The following SYN2 variants were observed in gnomAD, a reference collection of about 807,000 sequenced individuals.
SYN2 encodes synapsin II.
SYN2 carries 19 observed loss-of-function variants against 50.9 expected under a neutral mutation model. The observed-to-expected ratio is 0.37, with a 90% CI of 0.26 to 0.55. The LOEUF is 0.55. Ranked by LOEUF, SYN2 falls within the 20% of genes least tolerant of loss-of-function variation. SYN2 has a pLI of 0.81. For missense variants in SYN2, 587 were observed against 576.4 expected, an observed-to-expected ratio of 1.02 and a Z score of -0.19; for synonymous variants, 255 against 224.9, an observed-to-expected ratio of 1.13 and a Z score of -1.20.
intron 1 of SYN2, among the ~76,000 whole-genome samples, chr3:12,059,087 G>T (rs915654928): frequency 6.6e-6 from 1 of 152,176 alleles, no homozygotes; most frequent in Non-Finnish European, 1.5e-5. Flanking sequence ...GGCACAGTAA[G>T]ACCAGATATC....
At chr3:12,070,662 T>C in intron 1 of SYN2, 1 of 1,283,978 alleles carries the variant, frequency 7.8e-7, no homozygotes, top group South Asian at 1.2e-5. Flanking sequence ...GCTGTCCCTC[T>C]ATGCCTCTGG....
intron 11 of SYN2, chr3:12,185,189 G>T (rs934758373): frequency 1.0e-6 from 1 of 985,782 alleles, no homozygotes; most frequent in Non-Finnish European, 1.2e-6. Flanking sequence ...TAAGAATCAG[G>T]TCCTTAAATA....
At chr3:12,080,359 T>G (rs1695560539) in intron 1 of SYN2, among the ~76,000 whole-genome samples, 1 of 152,144 alleles carries the variant, frequency 6.6e-6, no homozygotes, top group African/African-American at 2.4e-5. Context: ...GGGGTTTGTT[T>G]GCTCTTGGTT....
chr3:12,022,453 G>A (rs1694162111), intron 1 of SYN2, among the ~76,000 whole-genome samples: 1 of 152,136 alleles, frequency 6.6e-6, no homozygotes, highest in African/African-American at 2.4e-5. Flanking sequence ...CTTTTGCCAG[G>A]CTGGAGTGCA....
Position 12,078,849 on chromosome 3 carries a change from C to T in SYN2, c.378-61802C>T, listed in dbSNP as rs754809107. ...CTTCTAATTCTGTGAAGAATGTCAACGGTAGTTTAATGGGAATAGCATTGA... is the reference window on the plus strand; with the variant it reads ...CTTCTAATTCTGTGAAGAATGTCAATGGTAGTTTAATGGGAATAGCATTGA... On this transcript the variant is annotated intron_variant, in intron 1 of 12. Coordinates refer to ENST00000621198, the MANE Select transcript of SYN2 (RefSeq NM_133625.6). Among the ~76,000 whole-genome samples the T allele has an allele frequency of 7.2e-4, 110 of 152,108 alleles. 2 individuals are homozygous for T. Among genetic ancestry groups the T allele is most frequent in the African/African-American group, 2.2e-3 (92 of 41,526 alleles).
chr3:12,111,936 A>G (rs948008658), intron 1 of SYN2, among the ~76,000 whole-genome samples: 3 of 152,192 alleles, frequency 2.0e-5, no homozygotes, highest in African/African-American at 7.2e-5. Flanking sequence ...ATGAAATAGA[A>G]TCTGGGTCAT....
At chr3:12,057,921 A>G (rs1365048365) in intron 1 of SYN2, among the ~76,000 whole-genome samples, 2 of 152,214 alleles carry the variant, frequency 1.3e-5, no homozygotes, top group Admixed American at 1.3e-4. Context: ...AGAGCATAGT[A>G]TTTCATCGTG....
At chr3:12,035,314 G>A (rs545493634) in intron 1 of SYN2, among the ~76,000 whole-genome samples, 3 of 152,330 alleles carry the variant, frequency 2.0e-5, no homozygotes, top group South Asian at 4.1e-4. Context: ...TTGGAGTCTC[G>A]TACCTGCAGC....
intron 1 of SYN2, among the ~76,000 whole-genome samples, chr3:12,094,112 C>G (rs534664907): frequency 2.6e-5 from 4 of 152,164 alleles, no homozygotes; most frequent in Non-Finnish European, 5.9e-5. Flanking sequence ...ACCTCAATCT[C>G]CCAAAGTGCT....
At position 12,004,665 on chromosome 3, in the gene SYN2, G is replaced by C; in HGVS notation, c.114G>C (p.Pro38=). The change falls in exon 1 of 13, where the codon CCG becomes CCC. Residue 38 remains proline, a synonymous_variant. Coordinates refer to ENST00000621198, the MANE Select transcript of SYN2 (RefSeq NM_133625.6). The part of the protein sequence containing the change: ...RPEPQQPPPP[P]PPGPGAASAS... ...AGCCCCAGCAGCCGCCGCCGCCGCC[G>C]CCCCCCGGTCCGGGCGCCGCCTCGG... The C allele has an allele frequency of 3.1e-6, 1 of 323,330 alleles. No individual in the cohort carries two copies. The highest frequency in any genetic ancestry group is 5.8e-6 in the Non-Finnish European group (1 of 173,362). 20.0% of individuals were successfully genotyped at this position (323,330 alleles called of 1,614,324 possible). A position where few individuals can be genotyped will look rare whatever the true frequency, so the allele number is the denominator to read the frequency against.
intron 4 of SYN2, among the ~76,000 whole-genome samples, chr3:12,146,839 A>G (rs1354161273): frequency 1.3e-5 from 2 of 152,220 alleles, no homozygotes; most frequent in East Asian, 3.9e-4. Flanking sequence ...TGGCTCTGCT[A>G]CTTCAGGCTG....
chr3:12,151,120 A>G lies in SYN2; in HGVS notation c.685-117A>G, dbSNP rs116875768. On this transcript the variant is annotated intron_variant, in intron 4 of 12. Transcript: ENST00000621198. ...TGTACACTTCTTTTATATCCTCACA[A>G]TGCTTAGCATAAAGTCCTCCACAGA... 1.4e-4 allele frequency: 101 copies of G among 705,640 alleles called. 1 individual carries two copies. The East Asian group carries it at 1.7e-3, about 12-fold the overall frequency. 43.7% of individuals were successfully genotyped at this position (705,640 alleles called of 1,614,324 possible).
At chr3:12,043,685 C>G (rs1694669063) in intron 1 of SYN2, among the ~76,000 whole-genome samples, 2 of 152,124 alleles carry the variant, frequency 1.3e-5, no homozygotes, top group African/African-American at 4.8e-5. Flanking sequence ...ACTGTGATGT[C>G]CATTCTACTG....
chr3:12,057,287 C>CTGTG (rs59286785), intron 1 of SYN2, among the ~76,000 whole-genome samples: 9,029 of 133,822 alleles, frequency 0.067, 465 homozygotes, highest in East Asian at 0.27. Flanking sequence ...GCAAGACTGT[C>CTGTG]TGTGTGTGTG....
chr3:12,141,477 C>G (rs1038762351), intron 2 of SYN2, among the ~76,000 whole-genome samples: 2 of 152,174 alleles, frequency 1.3e-5, no homozygotes, highest in Non-Finnish European at 2.9e-5. Flanking sequence ...TTTTATGCAG[C>G]TAGGTAAGGG....
Position 12,177,522 on chromosome 3 carries a change from A to G in SYN2, c.1309-5790A>G, listed in dbSNP as rs141270851. 1.3e-4 allele frequency among the ~76,000 whole-genome samples: 20 copies of G among 152,260 alleles called. No homozygotes were observed. In the East Asian group the frequency reaches 1.4e-3, roughly 10 times the overall value. ...AGTCTAAAGGGCTGTCCAGTTAGGGAGGGGTCTCTGATCCCCGGCATGGGA... is the reference window on the plus strand; with the variant it reads ...AGTCTAAAGGGCTGTCCAGTTAGGGGGGGGTCTCTGATCCCCGGCATGGGA... On this transcript the variant is annotated intron_variant, in intron 10 of 12. Coordinates refer to ENST00000621198, the MANE Select transcript of SYN2 (RefSeq NM_133625.6).
At chr3:12,164,984 C>CTTTTTTTTTTTTTT (rs68043865) in intron 7 of SYN2, among the ~76,000 whole-genome samples, 100 of 92,312 alleles carry the variant, frequency 1.1e-3, no homozygotes, top group Non-Finnish European at 1.4e-3. Flanking sequence ...TTTTTCTTTT[C>CTTTTTTTTTTTTTT]TTTTTTTTTT....
chr3:12,060,308 G>A (rs946919720), intron 1 of SYN2, among the ~76,000 whole-genome samples: 7 of 152,140 alleles, frequency 4.6e-5, no homozygotes, highest in African/African-American at 1.7e-4. Context: ...GGAAGAAAGG[G>A]AGAGTAACCA....
chr3:12,020,483 C>T (rs1225149559), intron 1 of SYN2, among the ~76,000 whole-genome samples: 1 of 151,940 alleles, frequency 6.6e-6, no homozygotes, highest in Non-Finnish European at 1.5e-5. Context: ...CCCTCTGACT[C>T]GGGATACCCC....
Sources: allele counts gnomAD v4.1 joint callset (sites outside exome capture counted in the v4.1 genomes callset), GRCh38; gene constraint gnomAD v4.1.1; transcripts MANE v1.5; gene names NCBI Gene and HGNC (gene_info 2026-07-23, HGNC 2026-07-21).